RBM26: variants seen among roughly 807,000 people sequenced by gnomAD.
RBM26 encodes RNA binding motif protein 26, also known as RNA-binding protein 26.
A neutral mutation model predicts 123.6 loss-of-function variants in RBM26; 30 were observed. The ratio of observed to expected loss-of-function variants is 0.24; its 90% CI spans 0.18 to 0.33. The LOEUF (loss-of-function observed/expected upper bound fraction) is 0.33. Among genes scored for constraint, RBM26 ranks in the 10% least tolerant of loss-of-function variants. RBM26 has a pLI of 1.00. For missense variants in RBM26, 947 were observed against 1,203.6 expected (o/e 0.79, Z 3.15); for synonymous variants, 400 against 404.4 (o/e 0.99, Z 0.13).
intron 20 of RBM26, among the ~76,000 whole-genome samples, chr13:79,322,887 T>A (rs2067849480): frequency 6.6e-6 from 1 of 151,476 alleles, no homozygotes; most frequent in Non-Finnish European, 1.5e-5. Flanking sequence ...ATGCTAAATA[T>A]ATTTTATTTC....
chr13:79,331,709 A>G (rs2069446964), intron 20 of RBM26, among the ~76,000 whole-genome samples: 1 of 152,192 alleles, frequency 6.6e-6, no homozygotes, highest in Admixed American at 6.5e-5. Context: ...CTTCTAAAAC[A>G]GCAACTTAAT....
intron 3 of RBM26, 95 bp downstream of exon 3, chr13:79,377,281 TGAG>T: frequency 1.0e-6 from 1 of 1,003,712 alleles, no homozygotes; most frequent in Non-Finnish European, 1.5e-6. Context: ...GGAGTGGTCC[TGAG>T]GACTCCAACA....
At chr13:79,381,302 A>C (rs1471793443) in intron 1 of RBM26, among the ~76,000 whole-genome samples, 5 of 152,066 alleles carry the variant, frequency 3.3e-5, no homozygotes, top group African/African-American at 1.2e-4. Flanking sequence ...AGGTGCCAGA[A>C]ACCTGACTTC....
chr13:79,316,696 C>T (rs992348837), downstream of RBM26, among the ~76,000 whole-genome samples: 1 of 151,708 alleles, frequency 6.6e-6, no homozygotes, highest in Non-Finnish European at 1.5e-5. Context: ...TATCCAGTAA[C>T]ATTTAAAACA....
intron 1 of RBM26, 50 bp from the exon 2 acceptor site, chr13:79,378,957 A>G (rs2076860364): frequency 2.7e-6 from 3 of 1,118,674 alleles, no homozygotes; most frequent in Non-Finnish European, 4.0e-6. Context: ...TGCACATTCT[A>G]CAAATTCCAG....
chr13:79,353,248 TTCAG>T (rs1185826944), intron 13 of RBM26, 24 bp from the exon 14 acceptor site: 1 of 1,320,616 alleles, frequency 7.6e-7, no homozygotes, highest in African/African-American at 1.4e-5. Context: ...AATGGACATA[TTCAG>T]TGTTTCCCCA....
At chr13:79,328,099 C>G (rs2068715604) in intron 20 of RBM26, among the ~76,000 whole-genome samples, 1 of 152,056 alleles carries the variant, frequency 6.6e-6, no homozygotes, top group Admixed American at 6.6e-5. Flanking sequence ...TATGTTCATT[C>G]TCCCATAACT....
At chr13:79,353,131 C>T (rs1318153804) in intron 14 of RBM26, 22 bp downstream of exon 14, 1 of 1,489,746 alleles carries the variant, frequency 6.7e-7, no homozygotes, top group Non-Finnish European at 9.2e-7. Context: ...CCAAGACAAA[C>T]ACATCATGCT....
intron 14 of RBM26, among the ~76,000 whole-genome samples, chr13:79,350,184 T>TATAG (rs1300752732): frequency 6.6e-6 from 1 of 152,212 alleles, no homozygotes; most frequent in Admixed American, 6.5e-5. Context: ...AGTTCCATGG[T>TATAG]ATAGATGTTA....
chr13:79,366,020 T>C, intron 8 of RBM26, 35 bp downstream of exon 8: 1 of 1,523,816 alleles, frequency 6.6e-7, no homozygotes, highest in African/African-American at 1.4e-5. Flanking sequence ...TAAAACTGTG[T>C]TACATTACGA....
At chr13:79,367,963 C>T (rs60194813) in intron 6 of RBM26, among the ~76,000 whole-genome samples, 9,022 of 152,034 alleles carry the variant, frequency 0.059, 525 homozygotes, top group African/African-American at 0.15. Context: ...GCAATGATGG[C>T]TTTAATACTA....
chr13:79,347,519 C>T (rs1334644769), intron 14 of RBM26, among the ~76,000 whole-genome samples: 4 of 152,052 alleles, frequency 2.6e-5, no homozygotes, highest in Non-Finnish European at 4.4e-5. Context: ...AGGGAAGTAA[C>T]GAGCCCAACA....
chr13:79,363,254 T>G (rs2074908795), intron 9 of RBM26, among the ~76,000 whole-genome samples: 1 of 152,174 alleles, frequency 6.6e-6, no homozygotes, highest in East Asian at 1.9e-4. Flanking sequence ...TATGACAAAT[T>G]TAAATTAAGG....
At chr13:79,316,336 G>C (rs1031884597), downstream of RBM26, among the ~76,000 whole-genome samples, 1 of 151,456 alleles carries the variant, frequency 6.6e-6, no homozygotes, top group Non-Finnish European at 1.5e-5. Context: ...TATTGATAAA[G>C]TTTGCTTCAT....
intron 5 of RBM26, 82 bp downstream of exon 5, chr13:79,370,863 C>T: frequency 7.0e-7 from 1 of 1,421,480 alleles, no homozygotes; most frequent in Non-Finnish European, 9.7e-7. Flanking sequence ...ATGAAGACAA[C>T]ACTGACAAAA....
chr13:79,368,664 T>TA (rs1251146585), intron 6 of RBM26, 66 bp downstream of exon 6: 1 of 1,488,468 alleles, frequency 6.7e-7, no homozygotes, highest in Admixed American at 1.8e-5. Flanking sequence ...ATGTACAACA[T>TA]AAACACAGAA....
chr13:79,382,211 A>T (rs941927036), intron 1 of RBM26, among the ~76,000 whole-genome samples: 1 of 152,028 alleles, frequency 6.6e-6, no homozygotes, highest in African/African-American at 2.4e-5. Flanking sequence ...TTAACTAATT[A>T]AAAAAACTAT....
chr13:79,320,667 T>A lies in RBM26; in HGVS notation c.2978A>T (p.Asp993Val). ...TTCATTGTCCTCTTCTTCTTCATCA[T>A]CATCTTGAAGTAATGAGTCATCCAC... ...SLVDDSLLQD[D>V]DEEEEDNESR... is the part of the protein sequence containing the mutation. Residue 993 changes from aspartate to valine, a missense_variant, in exon 22 of 22, where the codon GAT becomes GTT. Asp to Val is a radical substitution (Grantham distance 152). Coordinates refer to ENST00000438737, the MANE Select transcript of RBM26 (RefSeq NM_001366735.2). The A allele has an allele frequency of 6.3e-7, 1 of 1,599,530 alleles. No individual in the cohort carries two copies. The highest frequency in any genetic ancestry group is 8.5e-7 in the Non-Finnish European group (1 of 1,173,880).
chr13:79,383,448 T>C (rs1259193793), intron 1 of RBM26, among the ~76,000 whole-genome samples: 1 of 152,208 alleles, frequency 6.6e-6, no homozygotes, highest in African/African-American at 2.4e-5. Context: ...TACAAATATA[T>C]GTCTCACTAG....
Sources: allele counts gnomAD v4.1 joint callset (sites outside exome capture counted in the v4.1 genomes callset), GRCh38; gene constraint gnomAD v4.1.1; transcripts MANE v1.5; gene names NCBI Gene and HGNC (gene_info 2026-07-23, HGNC 2026-07-21).